The following PARD3 variants were observed in gnomAD, a reference collection of about 807,000 sequenced individuals.
The protein encoded by PARD3 is partitioning defective 3 homolog.
In PARD3, 75 loss-of-function variants were observed where a neutral mutation model predicts 155.4. The observed-to-expected ratio is 0.48, with a 90% CI of 0.40 to 0.58. PARD3 has a LOEUF of 0.58. Ranked by LOEUF, PARD3 falls within the 20% of genes least tolerant of loss-of-function variation. The pLI, the probability that PARD3 is intolerant of heterozygous loss-of-function variation, is 0.00. For synonymous variants in PARD3, 576 were observed against 610.5 expected (o/e 0.94, Z 0.83); for missense variants, 1,642 against 1,721.7 (o/e 0.95, Z 0.82).
chr10:34,654,929 C>A (rs1162737467), intron 2 of PARD3, among the ~76,000 whole-genome samples: 3 of 152,170 alleles, frequency 2.0e-5, no homozygotes, highest in African/African-American at 7.2e-5. Flanking sequence ...ACAGTAAGAA[C>A]CATTAAATTA....
intron 20 of PARD3, among the ~76,000 whole-genome samples, chr10:34,313,379 T>C (rs189864507): frequency 6.6e-6 from 1 of 152,340 alleles, no homozygotes; most frequent in Non-Finnish European, 1.5e-5. Context: ...TGAGGAGAAA[T>C]TAATACAAAC....
At chr10:34,331,044 G>A in intron 19 of PARD3, 73 bp downstream of exon 19, 1 of 1,163,012 alleles carries the variant, frequency 8.6e-7, no homozygotes, top group Admixed American at 1.9e-5. Context: ...GAAAACTCCA[G>A]GGCTCCCTGG....
chr10:34,419,612 T>C (rs1388653186), intron 5 of PARD3, among the ~76,000 whole-genome samples: 1 of 152,200 alleles, frequency 6.6e-6, no homozygotes, highest in African/African-American at 2.4e-5. Context: ...GTATGTCTAT[T>C]TAGAAAATGT....
chr10:34,248,737 T>C (rs879336955), intron 22 of PARD3, among the ~76,000 whole-genome samples: 1 of 152,144 alleles, frequency 6.6e-6, no homozygotes, highest in Non-Finnish European at 1.5e-5. Context: ...TAAGGCCCAA[T>C]GAAGAGACAG....
intron 2 of PARD3, among the ~76,000 whole-genome samples, chr10:34,608,409 T>C (rs2090626843): frequency 6.6e-6 from 1 of 152,132 alleles, no homozygotes; most frequent in African/African-American, 2.4e-5. Flanking sequence ...AAAACCTTCC[T>C]AGAGCCATCT....
At chr10:34,440,626 T>C (rs961952232) in intron 5 of PARD3, among the ~76,000 whole-genome samples, 1 of 152,166 alleles carries the variant, frequency 6.6e-6, no homozygotes, top group African/African-American at 2.4e-5. Context: ...CCAAAGATTT[T>C]TCACTCAGTA....
At chr10:34,446,874 GA>G (rs1209867757) in intron 5 of PARD3, among the ~76,000 whole-genome samples, 1 of 152,180 alleles carries the variant, frequency 6.6e-6, no homozygotes, top group East Asian at 1.9e-4. Context: ...AGGCTGAGAT[GA>G]AATATGTAAA....
intron 22 of PARD3, among the ~76,000 whole-genome samples, chr10:34,133,147 A>G (rs1947701827): frequency 6.6e-6 from 1 of 152,168 alleles, no homozygotes; most frequent in African/African-American, 2.4e-5. Flanking sequence ...GGGCCTGGGT[A>G]CCAAGGGGGG....
intron 2 of PARD3, among the ~76,000 whole-genome samples, chr10:34,680,295 A>C (rs1672481243): frequency 6.6e-6 from 1 of 152,172 alleles, no homozygotes; most frequent in Non-Finnish European, 1.5e-5. Flanking sequence ...GTGGCAGCTC[A>C]TGCCTGTAAT....
chr10:34,435,548 G>GC (rs2076146541), intron 5 of PARD3, among the ~76,000 whole-genome samples: 1 of 152,158 alleles, frequency 6.6e-6, no homozygotes, highest in Non-Finnish European at 1.5e-5. Flanking sequence ...TGTTGACTAA[G>GC]CCCCCAAATA....
intron 1 of PARD3, among the ~76,000 whole-genome samples, chr10:34,798,503 A>G (rs11009942): frequency 0.35 from 53,473 of 151,620 alleles, 10,581 homozygotes; most frequent in African/African-American, 0.55. Context: ...TCAGGAGTTC[A>G]AGACCACCCT....
intron 20 of PARD3, among the ~76,000 whole-genome samples, chr10:34,299,096 C>T (rs1017918632): frequency 5.3e-5 from 8 of 152,182 alleles, no homozygotes; most frequent in African/African-American, 1.7e-4. Flanking sequence ...CTTGTTCAGT[C>T]TTATAGTCCC....
chr10:34,565,260 CTTTT>C (rs59606413), intron 2 of PARD3, among the ~76,000 whole-genome samples: 18 of 39,666 alleles, frequency 4.5e-4, no homozygotes, highest in African/African-American at 9.9e-4. Flanking sequence ...AGGAGCAAGG[CTTTT>C]TTTTTTTTTT....
chr10:34,370,807 G>T (rs867991712), intron 12 of PARD3, among the ~76,000 whole-genome samples: 1 of 145,568 alleles, frequency 6.9e-6, no homozygotes, highest in Non-Finnish European at 1.5e-5. Flanking sequence ...ATACAAATGG[G>T]GTGTGTGTGT....
At chr10:34,643,496 A>G (rs183458441) in intron 2 of PARD3, among the ~76,000 whole-genome samples, 62 of 152,372 alleles carry the variant, frequency 4.1e-4, no homozygotes, top group African/African-American at 1.4e-3. Flanking sequence ...CATAAAACGA[A>G]TAATAGAACA....
At chr10:34,203,245 T>C (rs931240447) in intron 22 of PARD3, among the ~76,000 whole-genome samples, 7 of 152,238 alleles carry the variant, frequency 4.6e-5, no homozygotes, top group African/African-American at 1.7e-4. Flanking sequence ...TCAATCTATA[T>C]GCCAAACCAC....
intron 22 of PARD3, among the ~76,000 whole-genome samples, chr10:34,172,838 G>A (rs1002738643): frequency 4.0e-5 from 6 of 151,412 alleles, no homozygotes; most frequent in African/African-American, 1.5e-4. Context: ...GATAATTGCT[G>A]TGAAATTTAC....
intron 5 of PARD3, among the ~76,000 whole-genome samples, chr10:34,407,025 G>A (rs563546910): frequency 6.6e-6 from 1 of 152,282 alleles, no homozygotes; most frequent in South Asian, 2.1e-4. Context: ...CAAGTCAACA[G>A]ATGTCAGTAA....
intron 1 of PARD3, among the ~76,000 whole-genome samples, chr10:34,758,728 T>A (rs888105852): frequency 6.6e-6 from 1 of 152,132 alleles, no homozygotes; most frequent in African/African-American, 2.4e-5. Context: ...AAGAAAAAAA[T>A]TCCTGAGAAC....
Sources: gnomAD v4.1 joint callset for allele counts (sites outside exome capture counted in the v4.1 genomes callset) on GRCh38, gnomAD v4.1.1 for gene constraint, MANE v1.5 for transcripts, NCBI Gene and HGNC (gene_info 2026-07-23, HGNC 2026-07-21) for gene names.